The following LRMDA variants were observed in gnomAD, a reference collection of about 807,000 sequenced individuals.
The protein encoded by LRMDA is leucine-rich melanocyte differentiation-associated protein.
In LRMDA, 18 loss-of-function variants were observed where a neutral mutation model predicts 29.8. The ratio of observed to expected loss-of-function variants is 0.60; its 90% CI spans 0.42 to 0.90. The LOEUF (loss-of-function observed/expected upper bound fraction) is 0.90. Ranked by LOEUF, LRMDA falls within the 40% of genes least tolerant of loss-of-function variation. The pLI is 0.00. For synonymous variants in LRMDA, 125 were observed against 109.4 expected (o/e 1.14, Z -0.89); for missense variants, 273 against 273.9 (o/e 1.00, Z 0.02).
chr10:76,121,472 G>T (rs1159293776), intron 5 of LRMDA, among the ~76,000 whole-genome samples: 1 of 152,194 alleles, frequency 6.6e-6, no homozygotes, highest in Non-Finnish European at 1.5e-5. Flanking sequence ...TCTGTCATCT[G>T]TTTGATGCAG....
intron 5 of LRMDA, among the ~76,000 whole-genome samples, chr10:76,217,806 A>C (rs563389548): frequency 5.9e-5 from 9 of 152,272 alleles, no homozygotes; most frequent in African/African-American, 2.2e-4. Flanking sequence ...ATTAAATACA[A>C]ACAGTGCATT....
intron 2 of LRMDA, among the ~76,000 whole-genome samples, chr10:75,806,462 G>T (rs1843854210): frequency 6.6e-6 from 1 of 152,138 alleles, no homozygotes; most frequent in African/African-American, 2.4e-5. Context: ...AACTGTGAAG[G>T]ACCTTTGAAC....
chr10:76,449,504 T>G (rs1440341547), intron 6 of LRMDA, among the ~76,000 whole-genome samples: 1 of 151,958 alleles, frequency 6.6e-6, no homozygotes, highest in Non-Finnish European at 1.5e-5. Flanking sequence ...TTTTACATTT[T>G]ATTTAAATAT....
chr10:75,941,142 A>G (rs1355058169), intron 2 of LRMDA, among the ~76,000 whole-genome samples: 1 of 152,194 alleles, frequency 6.6e-6, no homozygotes, highest in Non-Finnish European at 1.5e-5. Context: ...GATGCAAGCT[A>G]GCCACCTTAT....
intron 3 of LRMDA, among the ~76,000 whole-genome samples, chr10:76,036,337 A>C (rs1848245685): frequency 6.6e-6 from 1 of 152,258 alleles, no homozygotes; most frequent in African/African-American, 2.4e-5. Flanking sequence ...ATTATAGGTC[A>C]TTCATAAATG....
chr10:76,129,932 C>G (rs967691097), intron 5 of LRMDA, among the ~76,000 whole-genome samples: 11 of 152,128 alleles, frequency 7.2e-5, no homozygotes, highest in African/African-American at 2.4e-4. Flanking sequence ...TACTTAACCT[C>G]TCTGATTTCA....
chr10:76,315,777 G>A (rs1190536228), intron 5 of LRMDA, among the ~76,000 whole-genome samples: 1 of 151,926 alleles, frequency 6.6e-6, no homozygotes, highest in African/African-American at 2.4e-5. Context: ...CCTGGGGGCC[G>A]GGCTGCCAGT....
At chr10:76,518,881 A>G (rs1386058536) in intron 6 of LRMDA, among the ~76,000 whole-genome samples, 1 of 152,224 alleles carries the variant, frequency 6.6e-6, no homozygotes, top group Admixed American at 6.5e-5. Flanking sequence ...GCATATATGG[A>G]ACATTTTTTA....
intron 6 of LRMDA, among the ~76,000 whole-genome samples, chr10:76,507,299 T>A (rs1842969065): frequency 6.6e-6 from 1 of 152,134 alleles, no homozygotes; most frequent in African/African-American, 2.4e-5. Flanking sequence ...ATCAGATTGT[T>A]ATTAATATTA....
intron 5 of LRMDA, among the ~76,000 whole-genome samples, chr10:76,312,689 A>G (rs932158652): frequency 6.6e-6 from 1 of 152,044 alleles, no homozygotes; most frequent in Non-Finnish European, 1.5e-5. Context: ...GAGCATCACA[A>G]TAATGCAGTG....
chr10:76,072,011 G>A (rs1300239815), intron 5 of LRMDA, among the ~76,000 whole-genome samples: 4 of 152,146 alleles, frequency 2.6e-5, no homozygotes, highest in Admixed American at 6.5e-5. Flanking sequence ...TAACCAATAA[G>A]GGAGTCATAC....
At chr10:75,887,959 T>G (rs1293100456) in intron 2 of LRMDA, among the ~76,000 whole-genome samples, 1 of 152,208 alleles carries the variant, frequency 6.6e-6, no homozygotes, top group African/African-American at 2.4e-5. Context: ...CATCCGATCT[T>G]TTTATTTTTT....
chr10:76,495,517 G>A (rs1321249556), intron 6 of LRMDA, among the ~76,000 whole-genome samples: 1 of 151,504 alleles, frequency 6.6e-6, no homozygotes, highest in African/African-American at 2.4e-5. Context: ...TGTCTATAAA[G>A]AATCTTATTG....
At chr10:75,763,918 G>A (rs1338570295) in intron 2 of LRMDA, among the ~76,000 whole-genome samples, 1 of 152,096 alleles carries the variant, frequency 6.6e-6, no homozygotes, top group Non-Finnish European at 1.5e-5. Flanking sequence ...GGTGCAAACT[G>A]ATGCTTTCCA....
chr10:75,608,751 G>A (rs1237604559), intron 2 of LRMDA, among the ~76,000 whole-genome samples: 1 of 152,136 alleles, frequency 6.6e-6, no homozygotes, highest in Non-Finnish European at 1.5e-5. Flanking sequence ...TGAAGTGGGG[G>A]GCATAACCCT....
At chr10:75,778,531 T>C (rs555651929) in intron 2 of LRMDA, among the ~76,000 whole-genome samples, 2 of 152,326 alleles carry the variant, frequency 1.3e-5, no homozygotes, top group South Asian at 4.1e-4. Context: ...CATTCTCTGC[T>C]TTCTCTGTAG....
At chr10:76,371,298 G>A (rs1276794803) in intron 6 of LRMDA, among the ~76,000 whole-genome samples, 1 of 152,160 alleles carries the variant, frequency 6.6e-6, no homozygotes, top group African/African-American at 2.4e-5. Context: ...TCTCCTTCTT[G>A]CAGTGGGGTT....
intron 2 of LRMDA, among the ~76,000 whole-genome samples, chr10:75,772,005 C>G (rs1257358774): frequency 6.6e-6 from 1 of 151,616 alleles, no homozygotes; most frequent in African/African-American, 2.4e-5. Context: ...AATAGTAAAT[C>G]TAGAAAAAAA....
At chr10:75,717,545 T>TG (rs1842517007) in intron 2 of LRMDA, among the ~76,000 whole-genome samples, 1 of 152,318 alleles carries the variant, frequency 6.6e-6, no homozygotes, top group South Asian at 2.1e-4. Flanking sequence ...TTGTCTCTTC[T>TG]GGGGATGCTG....
Sources: gnomAD v4.1 joint callset for allele counts (sites outside exome capture counted in the v4.1 genomes callset) on GRCh38, gnomAD v4.1.1 for gene constraint, MANE v1.5 for transcripts, NCBI Gene and HGNC (gene_info 2026-07-23, HGNC 2026-07-21) for gene names.